Variants in CPEB3 observed in about 807,000 individuals in gnomAD.
The protein encoded by CPEB3 is cytoplasmic polyadenylation element-binding protein 3.
A neutral mutation model predicts 67.2 loss-of-function variants in CPEB3; 20 were observed. The observed-to-expected ratio is 0.30, with a 90% CI of 0.21 to 0.43. The LOEUF (loss-of-function observed/expected upper bound fraction) is 0.43. Among genes scored for constraint, CPEB3 ranks in the 20% least tolerant of loss-of-function variants. CPEB3 has a pLI of 1.00. For synonymous variants in CPEB3, 376 were observed against 393.1 expected (o/e 0.96, Z 0.51); for missense variants, 746 against 968.6 (o/e 0.77, Z 3.05).
At chr10:92,069,309 C>T (rs1178107808) in intron 9 of CPEB3, among the ~76,000 whole-genome samples, 1 of 152,128 alleles carries the variant, frequency 6.6e-6, no homozygotes, top group Non-Finnish European at 1.5e-5. Flanking sequence ...ACTTAAGGTA[C>T]TTGCAAAGAA....
chr10:92,264,095 G>A (rs1235527954), intron 1 of CPEB3, among the ~76,000 whole-genome samples: 3 of 152,072 alleles, frequency 2.0e-5, no homozygotes, highest in East Asian at 1.9e-4. Flanking sequence ...TTGGGATGCC[G>A]AGGCAGGCAG....
At chr10:92,052,568 C>A (rs1008907882) in intron 9 of CPEB3, 129 bp from the exon 10 acceptor site, 2 of 737,336 alleles carry the variant, frequency 2.7e-6, no homozygotes, top group East Asian at 5.4e-5. Flanking sequence ...TCTGCTGATA[C>A]TGGATGGTGG....
intron 1 of CPEB3, among the ~76,000 whole-genome samples, chr10:92,277,066 A>C (rs1842023821): frequency 6.6e-6 from 1 of 152,174 alleles, no homozygotes; most frequent in Admixed American, 6.6e-5. Flanking sequence ...TCCCGTTCAG[A>C]TATGATTTCC....
chr10:92,181,059 T>A (rs748177894), intron 3 of CPEB3, 40 bp from the exon 4 acceptor site: 2 of 1,066,676 alleles, frequency 1.9e-6, no homozygotes, highest in South Asian at 2.6e-5. Flanking sequence ...GAATGTTTAA[T>A]GTAATCATTT....
At position 92,239,566 on chromosome 10, in the gene CPEB3, A is replaced by C; in HGVS notation, c.785T>G (p.Leu262Arg). The C allele has an allele frequency of 6.4e-7, 1 of 1,554,974 alleles. No individual in the cohort carries two copies. The highest frequency in any genetic ancestry group is 8.7e-7 in the Non-Finnish European group (1 of 1,148,798). Residue 262 changes from leucine to arginine, a missense_variant, in exon 2 of 10, where the codon CTG becomes CGG. Physicochemically the swap from Leu to Arg is moderately radical, Grantham distance 102. Coordinates refer to ENST00000265997, the MANE Select transcript of CPEB3 (RefSeq NM_014912.5). This position sits in a 1 kb window ranked among gnomAD's most constrained non-coding sequence, Gnocchi z 6.0. ...WSAPSNPWGG[L>R]QAGRDPRRAV... ...CCGGCGAGGGTCCCGGCCCGCCTGC[A>C]GGCCGCCCCAGGGGTTGGACGGTGC... is the stretch of plus-strand genomic sequence containing the variant.
At chr10:92,104,954 G>A (rs1025232928) in intron 7 of CPEB3, among the ~76,000 whole-genome samples, 1 of 151,764 alleles carries the variant, frequency 6.6e-6, no homozygotes, top group Non-Finnish European at 1.5e-5. Context: ...ATGCTGGAGT[G>A]CACTGGTGTG....
At chr10:92,258,866 G>A (rs932420798) in intron 1 of CPEB3, among the ~76,000 whole-genome samples, 7 of 150,894 alleles carry the variant, frequency 4.6e-5, no homozygotes, top group Non-Finnish European at 8.9e-5. Flanking sequence ...CACCATATTA[G>A]CCAGGATGGT....
intron 1 of CPEB3, among the ~76,000 whole-genome samples, chr10:92,287,648 ACT>A (rs1387821535): frequency 6.6e-6 from 1 of 152,038 alleles, no homozygotes; most frequent in East Asian, 1.9e-4. Flanking sequence ...GGAGCTAATT[ACT>A]CTTTTAAAAG....
At chr10:92,090,414 C>T (rs1843564515) in intron 8 of CPEB3, among the ~76,000 whole-genome samples, 1 of 152,160 alleles carries the variant, frequency 6.6e-6, no homozygotes, top group Non-Finnish European at 1.5e-5. Flanking sequence ...TGGTGGCACA[C>T]ACCTGTAGTC....
intron 2 of CPEB3, among the ~76,000 whole-genome samples, chr10:92,228,081 T>C (rs1793077612): frequency 6.6e-6 from 1 of 151,860 alleles, no homozygotes; most frequent in Admixed American, 6.6e-5. Context: ...AGAGACAGGC[T>C]CTCACCATGT....
chr10:92,270,674 C>T (rs1853268667), intron 1 of CPEB3, among the ~76,000 whole-genome samples: 3 of 151,292 alleles, frequency 2.0e-5, no homozygotes, highest in Non-Finnish European at 4.4e-5. Context: ...GCAATCCTCC[C>T]ACTTCAGCCT....
At chr10:92,052,700 C>T (rs1384922781) in intron 9 of CPEB3, among the ~76,000 whole-genome samples, 6 of 152,170 alleles carry the variant, frequency 3.9e-5, no homozygotes, top group Non-Finnish European at 8.8e-5. Context: ...GGTATGTTTA[C>T]ACACACATAA....
At chr10:92,222,640 C>T (rs1564882292) in intron 2 of CPEB3, among the ~76,000 whole-genome samples, 1 of 152,166 alleles carries the variant, frequency 6.6e-6, no homozygotes, top group Non-Finnish European at 1.5e-5. Context: ...TGCTTTTACT[C>T]TGTATCTGTA....
chr10:92,273,986 T>G (rs1841861841), intron 1 of CPEB3, among the ~76,000 whole-genome samples: 1 of 152,208 alleles, frequency 6.6e-6, no homozygotes, highest in Non-Finnish European at 1.5e-5. Context: ...TCTTCAGAAA[T>G]TAATCATTGG....
chr10:92,250,021 C>CATATATATATAT (rs139850091), intron 1 of CPEB3, among the ~76,000 whole-genome samples: 3 of 146,272 alleles, frequency 2.1e-5, no homozygotes, highest in Non-Finnish European at 3.0e-5. Context: ...GACTCCATCT[C>CATATATATATAT]ATATATATAT....
intron 4 of CPEB3, among the ~76,000 whole-genome samples, chr10:92,175,566 C>T (rs1019776865): frequency 3.3e-5 from 5 of 152,138 alleles, no homozygotes; most frequent in African/African-American, 1.2e-4. Context: ...CAAACAGCAG[C>T]GTGTGACACT....
intron 2 of CPEB3, among the ~76,000 whole-genome samples, chr10:92,232,667 A>G (rs183464646): frequency 3.3e-5 from 5 of 151,906 alleles, no homozygotes; most frequent in African/African-American, 4.8e-5. Context: ...CTGAGGCAGG[A>G]GAATCACTTG....
At chr10:92,290,517 A>G (rs1364905671) in intron 1 of CPEB3, among the ~76,000 whole-genome samples, 1 of 152,166 alleles carries the variant, frequency 6.6e-6, no homozygotes, top group African/African-American at 2.4e-5. Flanking sequence ...AGCCCTGGAA[A>G]GCCCAGGCAC....
intron 4 of CPEB3, among the ~76,000 whole-genome samples, chr10:92,163,868 A>C (rs1437046357): frequency 6.6e-6 from 1 of 152,206 alleles, no homozygotes; most frequent in African/African-American, 2.4e-5. Flanking sequence ...CATCTGCTAC[A>C]TTCACATTAA....
Sources: gnomAD v4.1 joint callset for allele counts (sites outside exome capture counted in the v4.1 genomes callset) on GRCh38, gnomAD v4.1.1 for gene constraint, Gnocchi (gnomAD v3.1) non-coding constraint, MANE v1.5 for transcripts, NCBI Gene and HGNC (gene_info 2026-07-23, HGNC 2026-07-21) for gene names.